SOBP: variants seen among roughly 807,000 people sequenced by gnomAD.
The protein encoded by SOBP is sine oculis binding protein homolog.
A neutral mutation model predicts 53.6 loss-of-function variants in SOBP; 4 were observed. That is an observed-to-expected ratio of 0.07 (90% CI 0.04 to 0.17). The LOEUF is 0.17. SOBP is among the 10% of genes least tolerant of loss of function. SOBP has a pLI of 1.00. For missense variants in SOBP, 1,088 were observed against 1,204.7 expected (o/e 0.90, Z 1.43); for synonymous variants, 584 against 522.6 (o/e 1.12, Z -1.60).
intron 4 of SOBP, among the ~76,000 whole-genome samples, chr6:107,559,518 T>G (rs1355613825): frequency 1.3e-5 from 2 of 152,214 alleles, no homozygotes; most frequent in Non-Finnish European, 2.9e-5. Context: ...AGAGGAGATA[T>G]TGAGAATTAC....
chr6:107,494,373 A>G (rs896956614), intron 1 of SOBP, among the ~76,000 whole-genome samples: 2 of 152,238 alleles, frequency 1.3e-5, no homozygotes, highest in Admixed American at 1.3e-4. Context: ...TAGATATAAT[A>G]TAAAAACTAA....
intron 5 of SOBP, among the ~76,000 whole-genome samples, chr6:107,631,086 T>G (rs1338705424): frequency 6.6e-6 from 1 of 152,160 alleles, no homozygotes; most frequent in Non-Finnish European, 1.5e-5. Flanking sequence ...TTATTATTAT[T>G]TTTTACTCCA....
chr6:107,625,644 G>A (rs561473866), intron 5 of SOBP, among the ~76,000 whole-genome samples: 19 of 152,180 alleles, frequency 1.2e-4, no homozygotes, highest in Non-Finnish European at 2.8e-4. Context: ...CCATCACCAG[G>A]GTGAGATACA....
chr6:107,526,750 TC>T (rs965977968), intron 3 of SOBP, among the ~76,000 whole-genome samples: 2 of 152,240 alleles, frequency 1.3e-5, no homozygotes, highest in African/African-American at 4.8e-5. Flanking sequence ...GGTAGAATGT[TC>T]CGTTAGAAAA....
chr6:107,654,143 G>T (rs1237944361), intron 6 of SOBP, among the ~76,000 whole-genome samples: 1 of 152,236 alleles, frequency 6.6e-6, no homozygotes, highest in African/African-American at 2.4e-5. Context: ...GCCAAAAGGG[G>T]CAGGCAGGCC....
intron 1 of SOBP, among the ~76,000 whole-genome samples, chr6:107,498,587 GA>G (rs200968118): frequency 0.011 from 1,652 of 148,930 alleles, 43 homozygotes; most frequent in East Asian, 0.1. Flanking sequence ...TCCTCAGAAA[GA>G]AAAAAAAAAT....
chr6:107,592,093 G>T (rs867766722), intron 5 of SOBP, among the ~76,000 whole-genome samples: 3 of 145,782 alleles, frequency 2.1e-5, no homozygotes, highest in Non-Finnish European at 4.5e-5. Context: ...TAAAACAAAT[G>T]ACTCTTGGTT....
chr6:107,513,561 A>G (rs1367573113), intron 3 of SOBP, among the ~76,000 whole-genome samples: 1 of 152,154 alleles, frequency 6.6e-6, no homozygotes, highest in African/African-American at 2.4e-5. Context: ...TGGGGCTTGC[A>G]TATGATGATG....
chr6:107,492,558 T>C (rs915063090), intron 1 of SOBP, among the ~76,000 whole-genome samples: 6 of 152,100 alleles, frequency 3.9e-5, no homozygotes, highest in Non-Finnish European at 7.3e-5. Context: ...CAGTCCGTGG[T>C]TTGGGAGATA....
At chr6:107,576,453 G>A (rs767688321) in intron 4 of SOBP, among the ~76,000 whole-genome samples, 1 of 152,158 alleles carries the variant, frequency 6.6e-6, no homozygotes, top group East Asian at 1.9e-4. Context: ...CTGTAACACT[G>A]TCCCAGGCCA....
Position 107,634,011 on chromosome 6 carries a change from C to T in SOBP, c.1167C>T (p.Asn389=), listed in dbSNP as rs1290968242. The T allele has an allele frequency of 1.9e-6, 3 of 1,612,956 alleles. No homozygotes were observed. Among genetic ancestry groups the T allele is most frequent in the Non-Finnish European group, 2.5e-6 (3 of 1,179,438 alleles). ...PPRSPPMVMT[N]RGPVPLPIFM... The stretch of plus-strand genomic sequence containing the variant: ...GGAGCCCTCCCATGGTGATGACCAA[C>T]CGCGGCCCGGTGCCGCTGCCCATCT... The change falls in exon 6 of 7, where the codon AAC becomes AAT. Residue 389 remains asparagine (N), a synonymous_variant. Transcript: ENST00000317357. The surrounding 1 kb of genome is among the most constrained non-coding windows in gnomAD (Gnocchi z 4.5).
intron 4 of SOBP, among the ~76,000 whole-genome samples, chr6:107,548,940 AAAAT>A (rs1002939611): frequency 6.6e-6 from 1 of 151,996 alleles, no homozygotes; most frequent in Non-Finnish European, 1.5e-5. Context: ...TTATTTCTAA[AAAAT>A]AAATAAATAA....
At chr6:107,533,653 C>G in intron 4 of SOBP, 43 bp downstream of exon 4, 1 of 1,613,114 alleles carries the variant, frequency 6.2e-7, no homozygotes. Context: ...CAGGCCTCAC[C>G]AGCCCACACG....
At chr6:107,545,314 T>C (rs558668859) in intron 4 of SOBP, among the ~76,000 whole-genome samples, 7 of 152,150 alleles carry the variant, frequency 4.6e-5, no homozygotes, top group Non-Finnish European at 8.8e-5. Context: ...ACAGAAACTT[T>C]GGGTAATGAT....
intron 5 of SOBP, among the ~76,000 whole-genome samples, chr6:107,608,602 G>A (rs1051884395): frequency 2.6e-5 from 4 of 152,220 alleles, no homozygotes; most frequent in South Asian, 2.1e-4. Context: ...CCGGGTAAGT[G>A]CTGCATGCTG....
At chr6:107,650,549 T>C (rs2115173628) in intron 6 of SOBP, among the ~76,000 whole-genome samples, 1 of 152,370 alleles carries the variant, frequency 6.6e-6, no homozygotes, top group South Asian at 2.1e-4. Flanking sequence ...ATATCTGTTA[T>C]GGTGATTTGT....
chr6:107,500,718 G>A (rs772181054), intron 1 of SOBP, among the ~76,000 whole-genome samples: 1 of 151,294 alleles, frequency 6.6e-6, no homozygotes. Context: ...AGACGGATGG[G>A]GTTTCACCAT....
In SOBP at chr6:107,634,120, C is replaced by T. The variant is rs1770850598; in HGVS notation, c.1276C>T (p.Leu426=). The change falls in exon 6 of 7, where the codon CTG becomes TTG. Residue 426 remains leucine (L), a synonymous_variant. Coordinates refer to ENST00000317357, the MANE Select transcript of SOBP (RefSeq NM_018013.4). The surrounding 1 kb of genome is among the most constrained non-coding windows in gnomAD (Gnocchi z 4.5). ...PHHASNPNSP[L]SNPMLPGIGP... ...CCATGCCTCCAACCCCAACAGCCCCCTGTCCAACCCCATGCTTCCCGGCAT... is the reference window on the plus strand; with the variant it reads ...CCATGCCTCCAACCCCAACAGCCCCTTGTCCAACCCCATGCTTCCCGGCAT... 1.9e-6 allele frequency: 3 copies of T among 1,607,568 alleles called. No individual in the cohort carries two copies. The highest frequency in any genetic ancestry group is 2.5e-6 in the Non-Finnish European group (3 of 1,177,026).
intron 4 of SOBP, among the ~76,000 whole-genome samples, chr6:107,566,196 A>G (rs1262927925): frequency 6.6e-6 from 1 of 152,240 alleles, no homozygotes; most frequent in Non-Finnish European, 1.5e-5. Flanking sequence ...AGGAAAATGG[A>G]CAACTTAGTT....
Sources: allele counts gnomAD v4.1 joint callset (sites outside exome capture counted in the v4.1 genomes callset), GRCh38; gene constraint gnomAD v4.1.1; non-coding constraint Gnocchi (gnomAD v3.1); transcripts MANE v1.5; gene names NCBI Gene and HGNC (gene_info 2026-07-23, HGNC 2026-07-21).